Variants in AGMO observed in about 807,000 individuals in gnomAD.
AGMO encodes the protein glyceryl-ether monooxygenase.
Under a neutral mutation model 60.2 loss-of-function variants are expected in AGMO, and 75 were observed. The observed-to-expected ratio is 1.25, with a 90% CI of 1.03 to 1.51. AGMO has a LOEUF of 1.51. Among genes scored for constraint, AGMO ranks in the 40% most tolerant of loss-of-function variants. The pLI, the probability that AGMO is intolerant of heterozygous loss-of-function variation, is 0.00. For missense variants in AGMO, 763 were observed against 525.5 expected (o/e 1.45, Z -4.42); for synonymous variants, 261 against 177.1 (o/e 1.47, Z -3.76).
intron 12 of AGMO, among the ~76,000 whole-genome samples, chr7:15,330,813 T>C (rs1278841487): frequency 6.6e-6 from 1 of 151,108 alleles, no homozygotes; most frequent in Non-Finnish European, 1.5e-5. Context: ...CCTCTCCTTA[T>C]TTTTTTTTAA....
the AGMO span, among the ~76,000 whole-genome samples, chr7:15,118,215 T>C: frequency 1.2e-4 from 17 of 137,580 alleles, no homozygotes; most frequent in Admixed American, 3.5e-4. Flanking sequence ...CACACATATA[T>C]ACAAACAGAT....
At chr7:15,446,278 T>C (rs926996950) in intron 3 of AGMO, among the ~76,000 whole-genome samples, 3 of 152,176 alleles carry the variant, frequency 2.0e-5, no homozygotes, top group East Asian at 3.8e-4. Context: ...ATTAAAACAA[T>C]GATTTAAGTA....
At chr7:15,430,975 A>G (rs1188974462) in intron 4 of AGMO, 30 bp downstream of exon 4, 2 of 1,235,536 alleles carry the variant, frequency 1.6e-6, no homozygotes, top group Non-Finnish European at 2.2e-6. Context: ...AAATTAGATT[A>G]CCATGTTTAT....
intron 12 of AGMO, among the ~76,000 whole-genome samples, chr7:15,303,344 A>T (rs1422493963): frequency 6.6e-6 from 1 of 152,076 alleles, no homozygotes. Flanking sequence ...CATTAGGTAA[A>T]AATAAAGATC....
At chr7:15,242,425 CCA>C (rs1337994918) in intron 12 of AGMO, among the ~76,000 whole-genome samples, 3 of 152,066 alleles carry the variant, frequency 2.0e-5, no homozygotes, top group Non-Finnish European at 4.4e-5. Flanking sequence ...TATTTTTTAA[CCA>C]CAGTGTTTGG....
chr7:15,541,182 G>C (rs1784621160), intron 3 of AGMO, among the ~76,000 whole-genome samples: 1 of 152,172 alleles, frequency 6.6e-6, no homozygotes, highest in Non-Finnish European at 1.5e-5. Flanking sequence ...GAGTGCAGTG[G>C]AACGGTCTTG....
intron 3 of AGMO, among the ~76,000 whole-genome samples, chr7:15,504,464 G>C (rs919569533): frequency 1.3e-5 from 2 of 151,938 alleles, no homozygotes; most frequent in South Asian, 4.1e-4. Context: ...TAATGGAAGT[G>C]ACATAGCTAA....
intron 5 of AGMO, among the ~76,000 whole-genome samples, chr7:15,402,621 TTAAATATATTAAATA>T (rs1299789283): frequency 3.5e-5 from 5 of 144,650 alleles, no homozygotes. Context: ...ATAATATATA[TTAAATATATTAAATA>T]TAAATATATA....
chr7:15,470,198 T>C (rs553301558), intron 3 of AGMO, among the ~76,000 whole-genome samples: 1 of 152,112 alleles, frequency 6.6e-6, no homozygotes, highest in African/African-American at 2.4e-5. Flanking sequence ...GATAAAATAA[T>C]ATCTGGAAAT....
the AGMO span, among the ~76,000 whole-genome samples, chr7:15,132,621 T>G: frequency 6.6e-6 from 1 of 152,144 alleles, no homozygotes; most frequent in African/African-American, 2.4e-5. Context: ...CAAAGTGGAT[T>G]TAACAACATG....
rs747034817 is a variant in AGMO, at chr7:15,394,086, AAG to A, written c.676+25_676+26del. 3.5e-5 allele frequency: 54 copies of A among 1,550,540 alleles called. 1 individual carries two copies. The highest frequency in any genetic ancestry group is 1.0e-4 in the Admixed American group (6 of 58,408). ...ATGCAATTTTTAGAGAAATGAAGAA[AAG>A]AGAGAAGAAACAAAACTTCCTTACC... On this transcript the variant is annotated intron_variant, in intron 6 of 12. Transcript: ENST00000342526.
At chr7:15,188,001 G>T in the AGMO span, among the ~76,000 whole-genome samples, 1 of 152,016 alleles carries the variant, frequency 6.6e-6, no homozygotes, top group Non-Finnish European at 1.5e-5. Context: ...GACACCTTAT[G>T]TCTGTTCTCA....
chr7:15,492,357 C>T (rs531610605), intron 3 of AGMO, among the ~76,000 whole-genome samples: 101 of 48,160 alleles, frequency 2.1e-3, no homozygotes, highest in African/African-American at 7.2e-3. Context: ...AGGCCCAATA[C>T]GAAAAAAAAA....
chr7:15,427,481 A>G (rs1435312466), intron 4 of AGMO, among the ~76,000 whole-genome samples: 4 of 152,140 alleles, frequency 2.6e-5, no homozygotes, highest in African/African-American at 9.7e-5. Flanking sequence ...GGGATTTTGT[A>G]TGTTTAATCC....
chr7:15,322,647 TAA>T (rs1286494112), intron 12 of AGMO, among the ~76,000 whole-genome samples: 1 of 79,892 alleles, frequency 1.3e-5, no homozygotes, highest in Non-Finnish European at 2.1e-5. Context: ...TATAAATATA[TAA>T]ATATATATAT....
At chr7:15,338,263 T>TA (rs1312153710) in intron 12 of AGMO, among the ~76,000 whole-genome samples, 42 of 152,180 alleles carry the variant, frequency 2.8e-4, no homozygotes, top group African/African-American at 1.0e-3. Context: ...GCTACCAAGT[T>TA]GCAAAACATT....
intron 12 of AGMO, among the ~76,000 whole-genome samples, chr7:15,218,123 AT>A (rs1341650224): frequency 6.6e-6 from 1 of 152,148 alleles, no homozygotes; most frequent in Non-Finnish European, 1.5e-5. Context: ...AATGCTGTAG[AT>A]GATAAAAATG....
intron 10 of AGMO, among the ~76,000 whole-genome samples, chr7:15,378,403 GA>G (rs1783537113): frequency 6.6e-6 from 1 of 152,006 alleles, no homozygotes; most frequent in Non-Finnish European, 1.5e-5. Context: ...TGTTTTGTCA[GA>G]AACTTGGGAT....
chr7:15,208,660 G>C (rs1048805077), intron 12 of AGMO, among the ~76,000 whole-genome samples: 1 of 152,200 alleles, frequency 6.6e-6, no homozygotes, highest in African/African-American at 2.4e-5. Flanking sequence ...AACTATGATA[G>C]CACTATTTTT....
Sources: gnomAD v4.1 joint callset for allele counts (sites outside exome capture counted in the v4.1 genomes callset) on GRCh38, gnomAD v4.1.1 for gene constraint, MANE v1.5 for transcripts, NCBI Gene and HGNC (gene_info 2026-07-23, HGNC 2026-07-21) for gene names.